The following TNNI3K variants were observed in gnomAD, a reference collection of about 807,000 sequenced individuals.
TNNI3K encodes the protein serine/threonine-protein kinase TNNI3K.
TNNI3K carries 140 observed loss-of-function variants against 114.5 expected under a neutral mutation model. The observed-to-expected ratio is 1.22, with a 90% confidence interval of 1.07 to 1.41. The LOEUF (loss-of-function observed/expected upper bound fraction) is 1.41. TNNI3K is among the 40% of genes most tolerant of loss of function. TNNI3K has a pLI of 0.00. For missense variants in TNNI3K, 1,125 were observed against 1,007.6 expected (o/e 1.12, Z -1.58); for synonymous variants, 347 against 347.5 (o/e 1.00, Z 0.02).
chr1:74,487,633 G>A (rs1464081213), intron 21 of TNNI3K, among the ~76,000 whole-genome samples: 1 of 152,112 alleles, frequency 6.6e-6, no homozygotes, highest in Non-Finnish European at 1.5e-5. Context: ...GAAATATAAG[G>A]TAAAGGGAAA....
At chr1:74,296,839 C>A (rs1232655755) in intron 5 of TNNI3K, among the ~76,000 whole-genome samples, 1 of 152,022 alleles carries the variant, frequency 6.6e-6, no homozygotes, top group East Asian at 1.9e-4. Flanking sequence ...TTTAAAAAAT[C>A]TTGCTATTTT....
At chr1:74,249,759 A>G (rs1202616635) in intron 3 of TNNI3K, among the ~76,000 whole-genome samples, 1 of 152,178 alleles carries the variant, frequency 6.6e-6, no homozygotes, top group Non-Finnish European at 1.5e-5. Flanking sequence ...TTGTGTTGCT[A>G]CCGGAAACCA....
At chr1:74,319,036 T>C (rs571630218) in intron 5 of TNNI3K, among the ~76,000 whole-genome samples, 1 of 152,358 alleles carries the variant, frequency 6.6e-6, no homozygotes, top group South Asian at 2.1e-4. Flanking sequence ...TTTATTATAC[T>C]GCAGTTTCTA....
intron 5 of TNNI3K, among the ~76,000 whole-genome samples, chr1:74,295,087 T>C (rs1657899490): frequency 1.3e-5 from 2 of 152,096 alleles, no homozygotes; most frequent in Non-Finnish European, 2.9e-5. Context: ...CTCATTCACT[T>C]CAAATATTTT....
At chr1:74,460,156 A>T (rs1384459093) in intron 20 of TNNI3K, among the ~76,000 whole-genome samples, 1 of 151,850 alleles carries the variant, frequency 6.6e-6, no homozygotes, top group Non-Finnish European at 1.5e-5. Context: ...ACTCACTGCA[A>T]CCTCTGCCTC....
At chr1:74,467,667 T>A (rs569999257) in intron 21 of TNNI3K, among the ~76,000 whole-genome samples, 12 of 152,130 alleles carry the variant, frequency 7.9e-5, no homozygotes, top group African/African-American at 2.7e-4. Context: ...CTTAAAAAAA[T>A]TGTAGTTCCT....
At chr1:74,396,983 CAGA>C (rs1387926449) in intron 17 of TNNI3K, among the ~76,000 whole-genome samples, 6 of 152,246 alleles carry the variant, frequency 3.9e-5, no homozygotes, top group African/African-American at 1.4e-4. Flanking sequence ...GAGGGAAGCT[CAGA>C]AGGTTTTTGT....
intron 11 of TNNI3K, among the ~76,000 whole-genome samples, chr1:74,355,449 C>G (rs1661602079): frequency 6.6e-6 from 1 of 151,862 alleles, no homozygotes; most frequent in Admixed American, 6.6e-5. Context: ...ACTAAAAATA[C>G]AAAAAGTAGC....
At chr1:74,472,111 G>A (rs1667965369) in intron 21 of TNNI3K, 2 of 717,140 alleles carry the variant, frequency 2.8e-6, no homozygotes, top group African/African-American at 1.7e-5. Context: ...AGGCTGCCAT[G>A]ATTCATTTGT....
intron 5 of TNNI3K, among the ~76,000 whole-genome samples, chr1:74,283,237 T>C (rs1657121290): frequency 3.9e-5 from 6 of 152,208 alleles, no homozygotes; most frequent in Admixed American, 3.9e-4. Context: ...CCATAAACTC[T>C]ATACCCCATT....
chr1:74,255,150 C>T (rs931493686), intron 4 of TNNI3K, among the ~76,000 whole-genome samples: 3 of 151,932 alleles, frequency 2.0e-5, no homozygotes, highest in Admixed American at 6.6e-5. Flanking sequence ...GTCAGGAGAT[C>T]GAGACCATCC....
At chr1:74,411,477 C>A (rs1395975603) in intron 17 of TNNI3K, among the ~76,000 whole-genome samples, 1 of 152,034 alleles carries the variant, frequency 6.6e-6, no homozygotes, top group East Asian at 1.9e-4. Flanking sequence ...AAATAGGTAA[C>A]AAACTATTTG....
intron 17 of TNNI3K, among the ~76,000 whole-genome samples, chr1:74,420,109 A>G (rs1435153194): frequency 6.6e-6 from 1 of 152,092 alleles, no homozygotes; most frequent in South Asian, 2.1e-4. Context: ...TATGAAATGA[A>G]TGAGTAAATA....
intron 21 of TNNI3K, among the ~76,000 whole-genome samples, chr1:74,474,991 A>T (rs1668116756): frequency 1.3e-5 from 1 of 79,852 alleles, no homozygotes; most frequent in South Asian, 5.6e-4. Flanking sequence ...CACTATTGCT[A>T]TTTAAAAGGC....
intron 10 of TNNI3K, 128 bp from the exon 11 acceptor site, chr1:74,353,852 C>T: frequency 7.6e-7 from 1 of 1,321,036 alleles, no homozygotes; most frequent in Non-Finnish European, 1.0e-6. Context: ...AGTTCTTTAT[C>T]AAAGAAATCA....
chr1:74,282,458 G>C (rs1441866826), intron 5 of TNNI3K, among the ~76,000 whole-genome samples: 1 of 151,784 alleles, frequency 6.6e-6, no homozygotes, highest in Non-Finnish European at 1.5e-5. Context: ...GCACATGCCT[G>C]GCAGCTTGGT....
At chr1:74,435,843 T>A (rs1666098539) in intron 17 of TNNI3K, among the ~76,000 whole-genome samples, 1 of 152,060 alleles carries the variant, frequency 6.6e-6, no homozygotes, top group South Asian at 2.1e-4. Flanking sequence ...AGAGGGTTTG[T>A]CTAAAGTAGG....
chr1:74,510,521 A>G (rs1180529607), intron 23 of TNNI3K, among the ~76,000 whole-genome samples: 1 of 152,144 alleles, frequency 6.6e-6, no homozygotes, highest in Non-Finnish European at 1.5e-5. Flanking sequence ...AAAGAATAAA[A>G]TGAGAAAAAA....
intron 23 of TNNI3K, among the ~76,000 whole-genome samples, chr1:74,521,257 G>A (rs1646428278): frequency 1.3e-5 from 2 of 152,132 alleles, no homozygotes; most frequent in South Asian, 4.1e-4. Context: ...GTGCGATCTT[G>A]CCCAAGCTCA....
Sources: allele counts gnomAD v4.1 joint callset (sites outside exome capture counted in the v4.1 genomes callset), GRCh38; gene constraint gnomAD v4.1.1; transcripts MANE v1.5; gene names NCBI Gene and HGNC (gene_info 2026-07-23, HGNC 2026-07-21).